The following RAP1GAP2 variants were observed in gnomAD, a reference collection of about 807,000 sequenced individuals.
RAP1GAP2 encodes the protein RAP1 GTPase activating protein 2, also known as rap1 GTPase-activating protein 2.
Under a neutral mutation model 95.0 loss-of-function variants are expected in RAP1GAP2, and 27 were observed. The observed-to-expected ratio is 0.28, with a 90% CI of 0.21 to 0.39. The LOEUF is 0.39. Among genes scored for constraint, RAP1GAP2 ranks in the 10% least tolerant of loss-of-function variants. The pLI is 1.00. For missense variants in RAP1GAP2, 771 were observed against 970.0 expected (o/e 0.79, Z 2.72); for synonymous variants, 373 against 380.9 (o/e 0.98, Z 0.24).
intron 2 of RAP1GAP2, among the ~76,000 whole-genome samples, chr17:2,873,750 A>C (rs189252907): frequency 9.3e-4 from 142 of 151,992 alleles, no homozygotes; most frequent in Non-Finnish European, 1.7e-3. Flanking sequence ...TGAATTGTAT[A>C]CTTTATTATT....
intron 1 of RAP1GAP2, among the ~76,000 whole-genome samples, chr17:2,762,620 C>G (rs979561180): frequency 6.6e-6 from 1 of 151,294 alleles, no homozygotes; most frequent in Non-Finnish European, 1.5e-5. Flanking sequence ...AAGCTGGTCT[C>G]GAACTCCTTA....
upstream of RAP1GAP2, among the ~76,000 whole-genome samples, chr17:2,792,982 G>A (rs754404180): frequency 5.6e-4 from 85 of 152,168 alleles, 1 homozygote; most frequent in Non-Finnish European, 1.5e-4. Context: ...GAATGCATGC[G>A]GCGGGCAGCT....
At chr17:2,828,318 G>A (rs1347261748) in intron 2 of RAP1GAP2, among the ~76,000 whole-genome samples, 1 of 149,524 alleles carries the variant, frequency 6.7e-6, no homozygotes, top group Non-Finnish European at 1.5e-5. Flanking sequence ...TCCAACCTGG[G>A]CGACAGTGAG....
chr17:2,917,358 C>T (rs2042605933), intron 3 of RAP1GAP2, among the ~76,000 whole-genome samples: 1 of 152,010 alleles, frequency 6.6e-6, no homozygotes, highest in Admixed American at 6.5e-5. Flanking sequence ...GCAACCTCTG[C>T]CTCCCGGGTT....
chr17:2,949,164 T>G (rs908231494), intron 3 of RAP1GAP2, among the ~76,000 whole-genome samples: 2 of 152,182 alleles, frequency 1.3e-5, no homozygotes, highest in African/African-American at 2.4e-5. Context: ...GGTTATCTAT[T>G]GACTGGCTGT....
intron 20 of RAP1GAP2, 59 bp from the exon 21 acceptor site, chr17:3,026,291 C>T (rs926016719): frequency 1.0e-5 from 15 of 1,447,932 alleles, no homozygotes; most frequent in African/African-American, 5.6e-5. Context: ...GGGGAGGACC[C>T]TGGGGGTGGA....
intron 2 of RAP1GAP2, among the ~76,000 whole-genome samples, chr17:2,872,552 G>GA (rs1169701516): frequency 7.2e-5 from 11 of 152,186 alleles, no homozygotes; most frequent in Non-Finnish European, 1.3e-4. Flanking sequence ...TTCCAGCAGG[G>GA]ACAGCCCTTC....
intron 3 of RAP1GAP2, among the ~76,000 whole-genome samples, chr17:2,945,897 C>G (rs1486658912): frequency 6.6e-6 from 1 of 152,030 alleles, no homozygotes; most frequent in Non-Finnish European, 1.5e-5. Context: ...GCAAGCGATT[C>G]TCATGCCTCA....
chr17:2,905,768 C>G (rs2042177337), intron 3 of RAP1GAP2, among the ~76,000 whole-genome samples: 1 of 152,184 alleles, frequency 6.6e-6, no homozygotes, highest in African/African-American at 2.4e-5. Flanking sequence ...CTGGCTGGCC[C>G]TTCTGAGCTG....
chr17:3,026,003 C>G lies in RAP1GAP2; in HGVS notation c.1752-5C>G. On this transcript the variant is annotated splice_region_variant and splice_polypyrimidine_tract_variant and intron_variant, in intron 19 of 24. Coordinates refer to ENST00000254695, the MANE Select transcript of RAP1GAP2 (RefSeq NM_015085.5). ...CGGCCTCACTCCTCATTTCCATTCC[C>G]TCAGTGACAGCACATCCAGCACACC... The G allele has an allele frequency of 6.2e-7, 1 of 1,605,864 alleles. No individual in the cohort carries two copies. Among genetic ancestry groups the G allele is most frequent in the Non-Finnish European group, 8.5e-7 (1 of 1,172,656 alleles).
At chr17:2,775,058 C>G (rs893861107), upstream of RAP1GAP2, among the ~76,000 whole-genome samples, 3 of 151,404 alleles carry the variant, frequency 2.0e-5, no homozygotes, top group African/African-American at 7.3e-5. Flanking sequence ...CCTTGAACTC[C>G]TGACCTTAAA....
Position 2,761,476 on chromosome 17 carries a change from C to T in RAP1GAP2, c.50+5709C>T, listed in dbSNP as rs139703263. Among the ~76,000 whole-genome samples, 111 of 147,710 alleles carry T rather than the reference C, an allele frequency of 7.5e-4. No homozygotes were observed. The Middle Eastern group carries it at 0.019, about 26-fold the overall frequency. On this transcript the variant is annotated intron_variant, in intron 1 of 25. Coordinates refer to the RAP1GAP2 transcript ENST00000637138. ...GCTAATTTTGTATTTTTAGTAGAGA[C>T]GGGGTTTCTCCACGTTGGCCAGGCT... is the stretch of plus-strand genomic sequence containing the variant.
intron 2 of RAP1GAP2, among the ~76,000 whole-genome samples, chr17:2,900,077 A>G (rs563033247): frequency 9.2e-5 from 14 of 152,238 alleles, no homozygotes; most frequent in African/African-American, 3.1e-4. Flanking sequence ...GCGTGGGTGG[A>G]TGGCTGGGAG....
At position 3,004,601 on chromosome 17, in the gene RAP1GAP2, C is replaced by T. The variant is rs566391289; in HGVS notation, c.1201-768C>T. Among the ~76,000 whole-genome samples, 8 of 152,380 alleles carry T rather than the reference C, an allele frequency of 5.3e-5. No homozygotes were observed. In the East Asian group the frequency reaches 1.4e-3, roughly 26 times the overall value. ...CCACGCCTGGGCGACCCCCATGCAG[C>T]GAACCTCGAGGCCGTCACTCTAAAG... On this transcript the variant is annotated intron_variant, in intron 14 of 24. Coordinates refer to ENST00000254695, the MANE Select transcript of RAP1GAP2 (RefSeq NM_015085.5). This position sits in a 1 kb window ranked among gnomAD's most constrained non-coding sequence, Gnocchi z 4.1.
upstream of RAP1GAP2, among the ~76,000 whole-genome samples, chr17:2,791,440 C>T (rs1054771664): frequency 6.6e-6 from 1 of 152,200 alleles, no homozygotes; most frequent in African/African-American, 2.4e-5. Flanking sequence ...TCATTATTCT[C>T]TCCCCAGTGA....
rs1259599694 is a variant in RAP1GAP2 at position 3,008,094 on chromosome 17, G to A, written c.1443G>A (p.Glu481=). 1 of 1,613,908 alleles carries A rather than the reference G, an allele frequency of 6.2e-7. No individual in the cohort carries two copies. Among genetic ancestry groups the A allele is most frequent in the Non-Finnish European group, 8.5e-7 (1 of 1,179,898 alleles). The part of the protein sequence containing the change: ...HTQAMLGLGP[E]EDKFENGGHG... ...AGGCCATGCTGGGACTGGGCCCAGA[G>A]GAGGACAAGTTTGAGAATGGAGGCC... Residue 481 remains glutamate (E), a synonymous_variant, in exon 17 of 25, where the codon GAG becomes GAA. Transcript: ENST00000254695. The surrounding 1 kb of genome is among the most constrained non-coding windows in gnomAD (Gnocchi z 4.2).
intron 2 of RAP1GAP2, among the ~76,000 whole-genome samples, chr17:2,824,254 C>T (rs1405340247): frequency 6.6e-6 from 1 of 151,574 alleles, no homozygotes; most frequent in Non-Finnish European, 1.5e-5. Flanking sequence ...TCGAGACCAG[C>T]CTGGCCAACA....
At chr17:2,793,727 C>T (rs1293864618), upstream of RAP1GAP2, among the ~76,000 whole-genome samples, 3 of 152,208 alleles carry the variant, frequency 2.0e-5, no homozygotes, top group Admixed American at 6.5e-5. Flanking sequence ...ACTCTTTATT[C>T]GTACGGCTGG....
intron 4 of RAP1GAP2, among the ~76,000 whole-genome samples, chr17:2,958,386 C>A (rs1369174275): frequency 6.6e-6 from 1 of 152,136 alleles, no homozygotes; most frequent in East Asian, 1.9e-4. Flanking sequence ...TGTTCCTCAC[C>A]AGGGTCAGGG....
Sources: allele counts gnomAD v4.1 joint callset (sites outside exome capture counted in the v4.1 genomes callset), GRCh38; gene constraint gnomAD v4.1.1; non-coding constraint Gnocchi (gnomAD v3.1); transcripts MANE v1.5; gene names NCBI Gene and HGNC (gene_info 2026-07-23, HGNC 2026-07-21).